The following FAM161A variants were observed in gnomAD, a reference collection of about 807,000 sequenced individuals.
The protein encoded by FAM161A is protein FAM161A.
In FAM161A, 57 loss-of-function variants were observed where a neutral mutation model predicts 70.9. That is an observed-to-expected ratio of 0.80 (90% CI 0.65 to 1.00). The LOEUF is 1.00. Ranked by LOEUF, FAM161A falls within the 50% of genes least tolerant of loss-of-function variation. The pLI, the probability that FAM161A is intolerant of heterozygous loss-of-function variation, is 0.00. For missense variants in FAM161A, 880 were observed against 836.0 expected, an observed-to-expected ratio of 1.05 and a Z score of -0.65; for synonymous variants, 299 against 295.7, an observed-to-expected ratio of 1.01 and a Z score of -0.12.
chr2:61,843,237 C>T (rs1278880920), intron 1 of FAM161A, among the ~76,000 whole-genome samples: 1 of 152,140 alleles, frequency 6.6e-6, no homozygotes, highest in East Asian at 1.9e-4. Flanking sequence ...TCTGCCTTCT[C>T]CTGCCTCAGA....
the FAM161A span, among the ~76,000 whole-genome samples, chr2:61,802,381 T>C: frequency 6.6e-6 from 1 of 152,166 alleles, no homozygotes; most frequent in South Asian, 2.1e-4. Context: ...AAATGGGTGT[T>C]AGTTATTATA....
chr2:61,804,774 G>T, the FAM161A span, among the ~76,000 whole-genome samples: 1 of 123,524 alleles, frequency 8.1e-6, no homozygotes, highest in African/African-American at 3.2e-5. Flanking sequence ...GAAAGAGAAA[G>T]AAAGAAAGAA....
intron 5 of FAM161A, among the ~76,000 whole-genome samples, chr2:61,832,896 G>C (rs1436059356): frequency 1.3e-5 from 2 of 152,256 alleles, no homozygotes; most frequent in East Asian, 3.9e-4. Context: ...AAAAGGTTGA[G>C]GACTGCTGGC....
the FAM161A span, among the ~76,000 whole-genome samples, chr2:61,817,516 A>T: frequency 6.6e-6 from 1 of 152,196 alleles, no homozygotes. Flanking sequence ...TGAAAAACAA[A>T]CCTCACCATA....
Position 61,839,983 on chromosome 2 carries a change from G to C in FAM161A, c.1021C>G (p.Gln341Glu), listed in dbSNP as rs767960309. 1.9e-6 allele frequency: 3 copies of C among 1,614,192 alleles called. No individual in the cohort carries two copies. The Admixed American group carries it at 5.0e-5, about 27-fold the overall frequency. ...TTATACTTAAGAAAGTCTCTCAGCT[G>C]CTTTTCCCGGGCTGCTCGCTTCTGT... ...EEQKRAAREK[Q>E]LRDFLKYKKK... The change falls in exon 3 of 7, where the codon CAG (glutamine) becomes GAG (glutamate). Residue 341 changes from glutamine to glutamate, a missense_variant. Physicochemically the swap from Gln to Glu is conservative, Grantham distance 29 (BLOSUM62 2). Transcript: ENST00000404929.
intron 4 of FAM161A, 148 bp downstream of exon 4, chr2:61,838,390 A>G (rs1548322): frequency 0.97 from 631,122 of 648,548 alleles, 307,171 homozygotes; most frequent in East Asian, 0.99. Context: ...GTGTGTGTGC[A>G]CTGAACACAA....
the FAM161A span, among the ~76,000 whole-genome samples, chr2:61,804,696 A>AAG: frequency 2.0e-5 from 3 of 149,886 alleles, no homozygotes; most frequent in African/African-American, 4.9e-5. Context: ...AGAGAGAAGA[A>AAG]AGAGAGAGAG....
chr2:61,809,085 C>T, the FAM161A span, among the ~76,000 whole-genome samples: 4 of 152,102 alleles, frequency 2.6e-5, no homozygotes, highest in African/African-American at 9.7e-5. Flanking sequence ...GTTGGCCAGG[C>T]TGGTCTCAAA....
At chr2:61,810,970 C>T in the FAM161A span, among the ~76,000 whole-genome samples, 1 of 152,140 alleles carries the variant, frequency 6.6e-6, no homozygotes. Context: ...TGCTAACTTC[C>T]CAAACCCATT....
At chr2:61,805,722 C>A in the FAM161A span, among the ~76,000 whole-genome samples, 1 of 152,134 alleles carries the variant, frequency 6.6e-6, no homozygotes, top group Non-Finnish European at 1.5e-5. Context: ...CAGGTCCCTG[C>A]CCTCATGGAG....
rs756025043 is a variant in FAM161A, at chr2:61,840,211, C to A, written c.793G>T (p.Val265Leu). The A allele has an allele frequency of 6.2e-7, 1 of 1,613,826 alleles. No individual in the cohort carries two copies. The highest frequency in any genetic ancestry group is 8.5e-7 in the Non-Finnish European group (1 of 1,179,984). Residue 265 changes from valine to leucine, a missense_variant, in exon 3 of 7, where the codon GTA (valine) becomes TTA (leucine). Transcript: ENST00000404929. ...TCTTGTTTTTTGAGCGCTTTATGTA[C>A]CATTTCGATATCTGATTTAGATTTC... ...SMKSKSDIEM[V>L]HKALKKQEED...
At chr2:61,802,608 A>G in the FAM161A span, among the ~76,000 whole-genome samples, 1 of 152,228 alleles carries the variant, frequency 6.6e-6, no homozygotes, top group African/African-American at 2.4e-5. Context: ...GACATTTCCT[A>G]TAAACTGTTA....
At chr2:61,843,910 G>A (rs1558487892) in intron 1 of FAM161A, among the ~76,000 whole-genome samples, 1 of 152,142 alleles carries the variant, frequency 6.6e-6, no homozygotes, top group Non-Finnish European at 1.5e-5. Flanking sequence ...TTGGGAGGCC[G>A]AGGCAGGTGG....
chr2:61,835,492 ACT>A (rs551645398), intron 5 of FAM161A: 14 of 152,414 alleles, frequency 9.2e-5, no homozygotes, highest in African/African-American at 3.4e-4. Flanking sequence ...AGCAGAAATA[ACT>A]CTGATTCAAT....
chr2:61,833,981 T>C (rs914582104), intron 5 of FAM161A, among the ~76,000 whole-genome samples: 1 of 152,190 alleles, frequency 6.6e-6, no homozygotes, highest in Non-Finnish European at 1.5e-5. Context: ...GCTATGATTG[T>C]ACTACTGCAC....
Position 61,826,410 on chromosome 2 carries a change from A to G in FAM161A, c.*45T>C. 1 of 1,502,260 alleles carries G rather than the reference A, an allele frequency of 6.7e-7. No individual in the cohort carries two copies. The highest frequency in any genetic ancestry group is 9.3e-7 in the Non-Finnish European group (1 of 1,078,364). 93.1% of individuals were successfully genotyped at this position (1,502,260 alleles called of 1,614,324 possible). On this transcript the variant is annotated 3_prime_UTR_variant, in exon 7 of 7. Coordinates refer to ENST00000404929, the MANE Select transcript of FAM161A (RefSeq NM_001201543.2). ...CACAAATGCGGCTGCTGACACCCTG[A>G]CGCTGCAAACAACAGCAAGGGCATA...
rs768153864 is a variant in FAM161A at position 61,825,653 on chromosome 2, T to TC, written c.*801_*802insG. 2.3e-5 allele frequency: 10 copies of TC among 428,200 alleles called. No individual in the cohort carries two copies. The highest frequency in any genetic ancestry group is 1.0e-4 in the South Asian group (6 of 58,144). The allele number at this position is 428,200 out of a possible 1,614,324, so 26.5% of individuals were successfully genotyped here. Reference sequence around the variant, plus strand: ...TTTTTTCTATACTTTTTTTTTTTTTTTGGAGACGGAGTCTCGCTCTGTTGC... The same window carrying TC: ...TTTTTTCTATACTTTTTTTTTTTTTTCTGGAGACGGAGTCTCGCTCTGTTGC... On this transcript the variant is annotated 3_prime_UTR_variant, in exon 7 of 7. Coordinates refer to ENST00000404929, the MANE Select transcript of FAM161A (RefSeq NM_001201543.2).
intron 5 of FAM161A, among the ~76,000 whole-genome samples, chr2:61,832,242 C>CAAAAAAA (rs752145480): frequency 7.3e-6 from 1 of 137,310 alleles, no homozygotes; most frequent in African/African-American, 2.7e-5. Flanking sequence ...GACCCTGTCA[C>CAAAAAAA]ACACACACAA....
intron 1 of FAM161A, among the ~76,000 whole-genome samples, chr2:61,850,929 C>G (rs539754709): frequency 6.6e-6 from 1 of 152,284 alleles, no homozygotes; most frequent in South Asian, 2.1e-4. Context: ...GGCTGGAATA[C>G]AATGGCGTGA....
Sources: gnomAD v4.1 joint callset for allele counts (sites outside exome capture counted in the v4.1 genomes callset) on GRCh38, gnomAD v4.1.1 for gene constraint, MANE v1.5 for transcripts, NCBI Gene and HGNC (gene_info 2026-07-23, HGNC 2026-07-21) for gene names.